MAD1L1: variants seen among roughly 807,000 people sequenced by gnomAD.
MAD1L1 encodes the protein mitotic spindle assembly checkpoint protein MAD1.
Under a neutral mutation model 96.9 loss-of-function variants are expected in MAD1L1, and 95 were observed. The ratio of observed to expected loss-of-function variants is 0.98; its 90% confidence interval spans 0.83 to 1.16. MAD1L1 has a LOEUF of 1.16. Ranked by LOEUF, MAD1L1 falls within the 50% of genes most tolerant of loss-of-function variation. The pLI, the probability that MAD1L1 is intolerant of heterozygous loss-of-function variation, is 0.00. For synonymous variants in MAD1L1, 473 were observed against 396.6 expected (o/e 1.19, Z -2.29); for missense variants, 1,007 against 954.4 (o/e 1.06, Z -0.73).
intron 11 of MAD1L1, among the ~76,000 whole-genome samples, chr7:2,098,826 G>C (rs1002543946): frequency 6.6e-6 from 1 of 152,230 alleles, no homozygotes; most frequent in African/African-American, 2.4e-5. Flanking sequence ...GTCCCCAGAG[G>C]TGGGCCCAAG....
intron 11 of MAD1L1, among the ~76,000 whole-genome samples, chr7:2,133,525 T>C (rs758156974): frequency 2.6e-5 from 4 of 152,244 alleles, no homozygotes; most frequent in African/African-American, 4.8e-5. Flanking sequence ...TCTCAACAGT[T>C]TCCTTCGCAG....
intron 10 of MAD1L1, among the ~76,000 whole-genome samples, chr7:2,203,889 G>C (rs1440007674): frequency 2.0e-5 from 3 of 152,202 alleles, no homozygotes; most frequent in African/African-American, 7.2e-5. Flanking sequence ...TTCTATTCTG[G>C]AACAGCCCCC....
intron 11 of MAD1L1, among the ~76,000 whole-genome samples, chr7:2,081,118 C>T (rs1785621796): frequency 6.6e-6 from 1 of 150,986 alleles, no homozygotes; most frequent in Admixed American, 6.6e-5. Flanking sequence ...AAGGACAGGA[C>T]TGGGGATGAC....
At chr7:2,010,579 G>A (rs1362835146) in intron 13 of MAD1L1, among the ~76,000 whole-genome samples, 1 of 152,200 alleles carries the variant, frequency 6.6e-6, no homozygotes, top group Non-Finnish European at 1.5e-5. Context: ...ATAACACCGT[G>A]CAAGACGGCA....
At chr7:1,950,068 G>C (rs567434144) in intron 16 of MAD1L1, among the ~76,000 whole-genome samples, 1 of 141,014 alleles carries the variant, frequency 7.1e-6, no homozygotes, top group East Asian at 2.1e-4. Context: ...GGGGACAGCA[G>C]AGACTACTAG....
intron 16 of MAD1L1, among the ~76,000 whole-genome samples, chr7:1,953,433 C>T (rs1377127913): frequency 2.0e-5 from 3 of 152,210 alleles, no homozygotes; most frequent in African/African-American, 4.8e-5. Flanking sequence ...GGGAGGGAGC[C>T]GCACTGGGGG....
chr7:2,120,605 A>AGTG (rs1304747545), intron 11 of MAD1L1, among the ~76,000 whole-genome samples: 2 of 152,210 alleles, frequency 1.3e-5, no homozygotes, highest in East Asian at 3.8e-4. Context: ...CCCCACCCAG[A>AGTG]GGCTTCCTCA....
chr7:1,825,420 C>G (rs1372945284), intron 18 of MAD1L1, among the ~76,000 whole-genome samples: 1 of 152,252 alleles, frequency 6.6e-6, no homozygotes, highest in Non-Finnish European at 1.5e-5. Context: ...AGGCGTGGGT[C>G]ACAGCGTGAG....
intron 18 of MAD1L1, among the ~76,000 whole-genome samples, chr7:1,825,898 C>G (rs1374483471): frequency 6.6e-6 from 1 of 151,818 alleles, no homozygotes; most frequent in Non-Finnish European, 1.5e-5. Context: ...AGTCCCAGCC[C>G]CAGGGTTGGC....
At chr7:1,874,308 C>T (rs1213131756) in intron 18 of MAD1L1, among the ~76,000 whole-genome samples, 2 of 152,084 alleles carry the variant, frequency 1.3e-5, no homozygotes, top group African/African-American at 4.8e-5. Context: ...CAGGCTGGGC[C>T]ACAGTGCAGA....
At chr7:1,995,166 T>A (rs1286488967) in intron 14 of MAD1L1, among the ~76,000 whole-genome samples, 2 of 152,164 alleles carry the variant, frequency 1.3e-5, no homozygotes, top group Admixed American at 1.3e-4. Context: ...TTGCTCCATG[T>A]GACACCTGCT....
At chr7:1,869,251 C>T (rs1487092938) in intron 18 of MAD1L1, among the ~76,000 whole-genome samples, 2 of 152,162 alleles carry the variant, frequency 1.3e-5, no homozygotes, top group African/African-American at 4.8e-5. Flanking sequence ...AGCAGTCAGC[C>T]CACGTGGAGA....
intron 18 of MAD1L1, among the ~76,000 whole-genome samples, chr7:1,829,185 C>T (rs1383039409): frequency 6.6e-6 from 1 of 152,248 alleles, no homozygotes. Flanking sequence ...TGAAATGGCT[C>T]CTGATGGTCC....
chr7:1,909,786 C>T (rs983312598), intron 17 of MAD1L1, among the ~76,000 whole-genome samples: 2 of 152,240 alleles, frequency 1.3e-5, no homozygotes, highest in Non-Finnish European at 2.9e-5. Context: ...GTCGCTTCAA[C>T]TCTGCTGGTA....
At chr7:1,928,701 G>T (rs908471470) in intron 17 of MAD1L1, among the ~76,000 whole-genome samples, 1 of 152,244 alleles carries the variant, frequency 6.6e-6, no homozygotes, top group Non-Finnish European at 1.5e-5. Flanking sequence ...TTTGTACTGA[G>T]CAAACAGAGG....
chr7:2,044,473 G>C (rs1269921083), intron 12 of MAD1L1, among the ~76,000 whole-genome samples: 1 of 152,188 alleles, frequency 6.6e-6, no homozygotes, highest in Non-Finnish European at 1.5e-5. Flanking sequence ...AACACACTGG[G>C]AACAGTGCTT....
In MAD1L1 at chr7:1,868,402, C is replaced by T. The variant is rs541822178; in HGVS notation, c.1998+29798G>A. ...CACCACGCTTCCCGGGCTGCTCCCA[C>T]GCAGGCCGCGCCTCCCGGGCTGCGT... On this transcript the variant is annotated intron_variant, in intron 18 of 18. Coordinates refer to ENST00000265854, the MANE Select transcript of MAD1L1 (RefSeq NM_001013836.2). Among the ~76,000 whole-genome samples, 26 of 152,254 alleles carry T rather than the reference C, an allele frequency of 1.7e-4. No homozygotes were observed. In the East Asian group the frequency reaches 2.3e-3, roughly 14 times the overall value.
At chr7:2,183,809 G>A (rs933800241) in intron 10 of MAD1L1, among the ~76,000 whole-genome samples, 24 of 151,976 alleles carry the variant, frequency 1.6e-4, no homozygotes, top group African/African-American at 5.3e-4. Flanking sequence ...GCTAAATGAC[G>A]AGTTAATCGG....
chr7:2,057,471 A>G (rs1426962802), intron 12 of MAD1L1, among the ~76,000 whole-genome samples: 1 of 152,068 alleles, frequency 6.6e-6, no homozygotes, highest in South Asian at 2.1e-4. Context: ...CCAAGATTGC[A>G]CCACTGCACT....
Sources: allele counts gnomAD v4.1 joint callset (sites outside exome capture counted in the v4.1 genomes callset), GRCh38; gene constraint gnomAD v4.1.1; transcripts MANE v1.5; gene names NCBI Gene and HGNC (gene_info 2026-07-23, HGNC 2026-07-21).